MRPS9: variants seen among roughly 807,000 people sequenced by gnomAD.
MRPS9 encodes small ribosomal subunit protein uS9m.
A neutral mutation model predicts 59.9 loss-of-function variants in MRPS9; 45 were observed. The observed-to-expected ratio is 0.75, with a 90% CI of 0.59 to 0.96. The LOEUF (loss-of-function observed/expected upper bound fraction) is 0.96. Among genes scored for constraint, MRPS9 ranks in the 40% least tolerant of loss-of-function variants. MRPS9 has a pLI of 0.00. For synonymous variants in MRPS9, 171 were observed against 166.8 expected, an observed-to-expected ratio of 1.03 and a Z score of -0.19; for missense variants, 473 against 481.1, an observed-to-expected ratio of 0.98 and a Z score of 0.16.
intron 1 of MRPS9, among the ~76,000 whole-genome samples, chr2:105,040,760 TG>T (rs1679486756): frequency 1.3e-5 from 2 of 152,344 alleles, no homozygotes; most frequent in African/African-American, 4.8e-5. Context: ...CAGGGATCTA[TG>T]GTGTACTGTG....
chr2:105,038,113 C>T lies in MRPS9; in HGVS notation c.21C>T (p.Ser7=). The stretch of plus-strand genomic sequence containing the variant: ...CTAACATGGCGGCGCCCTGTGTGTC[C>T]TACGGCGGAGCAGTTTCGTACCGGC... MAAPCV[S]YGGAVSYRLL... is the part of the protein sequence containing the mutation. The change falls in exon 1 of 11, where the codon TCC becomes TCT. Residue 7 remains serine (S), a synonymous_variant. Transcript: ENST00000258455. 1 of 1,613,990 alleles carries T rather than the reference C, an allele frequency of 6.2e-7. No homozygotes were observed. Among genetic ancestry groups the T allele is most frequent in the South Asian group, 1.1e-5 (1 of 91,042 alleles).
At chr2:105,077,433 A>C (rs1255047533) in intron 4 of MRPS9, among the ~76,000 whole-genome samples, 1 of 152,208 alleles carries the variant, frequency 6.6e-6, no homozygotes, top group Non-Finnish European at 1.5e-5. Context: ...AAAAAGAGTG[A>C]GATAGAGCTA....
In MRPS9 at chr2:105,085,389, A is replaced by G. The variant is rs571846704; in HGVS notation, c.490-3595A>G. 9.8e-5 allele frequency among the ~76,000 whole-genome samples: 15 copies of G among 152,320 alleles called. No individual in the cohort carries two copies. The South Asian group carries it at 1.9e-3, about 19-fold the overall frequency. On this transcript the variant is annotated intron_variant, in intron 5 of 10. Transcript: ENST00000258455. ...TCAGTTACTTTACTATTACCATACT[A>G]GTATCTAAGATAATTACTATTAGTT...
At position 105,092,577 on chromosome 2, in the gene MRPS9, C is replaced by T; in HGVS notation, c.820+8C>T. The T allele has an allele frequency of 2.0e-6, 3 of 1,532,686 alleles. 1 individual carries two copies. Among genetic ancestry groups the T allele is most frequent in the South Asian group, 2.6e-5 (2 of 77,792 alleles). 94.9% of individuals were successfully genotyped at this position (1,532,686 alleles called of 1,614,324 possible). A position where few individuals can be genotyped will look rare whatever the true frequency, so the allele number is the denominator to read the frequency against. ...CCTTTAGCAAAAGTGAAGGTAATGA[C>T]ATTCTGTGGAGAGAAAATAAATTCA... On this transcript the variant is annotated splice_region_variant and intron_variant, in intron 8 of 10. Coordinates refer to ENST00000258455, the MANE Select transcript of MRPS9 (RefSeq NM_182640.3).
intron 2 of MRPS9, among the ~76,000 whole-genome samples, chr2:105,054,391 A>G (rs1294097973): frequency 3.3e-5 from 5 of 152,170 alleles, no homozygotes; most frequent in African/African-American, 9.7e-5. Flanking sequence ...GATTGACTAT[A>G]CGGGAGGTTG....
chr2:105,094,778 C>T (rs1053553504), intron 9 of MRPS9, among the ~76,000 whole-genome samples: 1 of 152,228 alleles, frequency 6.6e-6, no homozygotes, highest in African/African-American at 2.4e-5. Flanking sequence ...TTGATAACTT[C>T]AACATTGGGA....
At chr2:105,096,712 A>G (rs1680667616) in intron 9 of MRPS9, among the ~76,000 whole-genome samples, 1 of 152,176 alleles carries the variant, frequency 6.6e-6, no homozygotes. Context: ...CATTATACAG[A>G]TACACTTATA....
intron 10 of MRPS9, among the ~76,000 whole-genome samples, chr2:105,098,909 C>T (rs948332056): frequency 2.0e-5 from 3 of 152,176 alleles, no homozygotes; most frequent in African/African-American, 7.2e-5. Context: ...TACTAACTTA[C>T]TATAGCTCCA....
Position 105,086,272 on chromosome 2 carries a change from T to C in MRPS9, c.490-2712T>C, listed in dbSNP as rs1386883904. 6.6e-5 allele frequency among the ~76,000 whole-genome samples: 10 copies of C among 152,324 alleles called. No individual in the cohort carries two copies. In the South Asian group the frequency reaches 1.9e-3, roughly 28 times the overall value. Reference sequence around the variant, plus strand: ...GGTTACAATCATCAAATTGTAAGCATTTGCCACAAATGAATCGAATTCATC... The same window carrying C: ...GGTTACAATCATCAAATTGTAAGCACTTGCCACAAATGAATCGAATTCATC... On this transcript the variant is annotated intron_variant, in intron 5 of 10. Transcript: ENST00000258455.
intron 4 of MRPS9, among the ~76,000 whole-genome samples, chr2:105,076,399 A>G (rs1047388855): frequency 2.6e-5 from 4 of 152,366 alleles, no homozygotes; most frequent in Admixed American, 2.0e-4. Flanking sequence ...ATGAATTGCA[A>G]TCTTTCACTT....
Position 105,080,035 on chromosome 2 carries a change from C to A in MRPS9, c.462C>A (p.Gly154=). ...CATTTCACTATCTCTTCTATACTGG[C>A]AAACAGTCATACTATTCATTAATGC... ...GRPFHYLFYT[G]KQSYYSLMHD... is the part of the protein sequence containing the mutation. Residue 154 remains glycine, a synonymous_variant, in exon 5 of 11, where the codon GGC becomes GGA. Coordinates refer to ENST00000258455, the MANE Select transcript of MRPS9 (RefSeq NM_182640.3). The A allele has an allele frequency of 6.2e-7, 1 of 1,609,728 alleles. No homozygotes were observed. The highest frequency in any genetic ancestry group is 8.5e-7 in the Non-Finnish European group (1 of 1,177,578).
At chr2:105,080,203 T>C in intron 5 of MRPS9, 141 bp downstream of exon 5, 1 of 485,684 alleles carries the variant, frequency 2.1e-6, no homozygotes, top group East Asian at 3.5e-5. Context: ...GACAGTGTGT[T>C]GATGAAATGA....
chr2:105,058,996 G>T (rs1017866883), intron 2 of MRPS9, among the ~76,000 whole-genome samples: 4 of 151,596 alleles, frequency 2.6e-5, no homozygotes, highest in Admixed American at 2.0e-4. Flanking sequence ...AGTTTCTAAA[G>T]AGTTCTGTAC....
chr2:105,086,484 G>A (rs1480352397), intron 5 of MRPS9, among the ~76,000 whole-genome samples: 1 of 152,152 alleles, frequency 6.6e-6, no homozygotes. Context: ...AAGTCATTGG[G>A]AAATGACAGC....
intron 2 of MRPS9, among the ~76,000 whole-genome samples, chr2:105,067,426 A>T (rs568416446): frequency 6.6e-6 from 1 of 152,266 alleles, no homozygotes; most frequent in South Asian, 2.1e-4. Flanking sequence ...GTACATAGTC[A>T]GTTTGTCCTG....
intron 2 of MRPS9, among the ~76,000 whole-genome samples, chr2:105,059,847 A>G (rs1486493714): frequency 6.6e-6 from 1 of 152,088 alleles, no homozygotes; most frequent in Non-Finnish European, 1.5e-5. Context: ...TCTGGGGCCA[A>G]TGAACACTGA....
chr2:105,061,663 T>C (rs1679907651), intron 2 of MRPS9, among the ~76,000 whole-genome samples: 1 of 151,900 alleles, frequency 6.6e-6, no homozygotes. Context: ...TTTATAATGG[T>C]GATGGGGAAG....
rs550687035 is a variant in MRPS9 at position 105,075,944 on chromosome 2, G to A, written c.410-4039G>A. 7.2e-5 allele frequency among the ~76,000 whole-genome samples: 11 copies of A among 152,068 alleles called. No individual in the cohort carries two copies. In the East Asian group the frequency reaches 2.1e-3, roughly 29 times the overall value. The stretch of plus-strand genomic sequence containing the variant: ...TTAAGTTCAGGAATAAGACAGTTAT[G>A]TGCATACTCGCCTGTGTTATTTGGC... On this transcript the variant is annotated intron_variant, in intron 4 of 10. Coordinates refer to ENST00000258455, the MANE Select transcript of MRPS9 (RefSeq NM_182640.3).
At chr2:105,060,721 T>A (rs931740033) in intron 2 of MRPS9, among the ~76,000 whole-genome samples, 1 of 152,168 alleles carries the variant, frequency 6.6e-6, no homozygotes, top group Non-Finnish European at 1.5e-5. Flanking sequence ...CCATTTGCAA[T>A]GAGAACTTGG....
Sources: gnomAD v4.1 joint callset for allele counts (sites outside exome capture counted in the v4.1 genomes callset) on GRCh38, gnomAD v4.1.1 for gene constraint, MANE v1.5 for transcripts, NCBI Gene and HGNC (gene_info 2026-07-23, HGNC 2026-07-21) for gene names.